The following EDIL3 variants were observed in gnomAD, a reference collection of about 807,000 sequenced individuals.
The protein encoded by EDIL3 is EGF-like repeat and discoidin I-like domain-containing protein 3.
In EDIL3, 37 loss-of-function variants were observed where a neutral mutation model predicts 67.4. The ratio of observed to expected loss-of-function variants is 0.55; its 90% CI spans 0.42 to 0.72. EDIL3 has a LOEUF of 0.72. Ranked by LOEUF, EDIL3 falls within the 30% of genes least tolerant of loss-of-function variation. The pLI is 0.00. For synonymous variants in EDIL3, 195 were observed against 196.3 expected, an observed-to-expected ratio of 0.99 and a Z score of 0.05; for missense variants, 527 against 586.3, an observed-to-expected ratio of 0.90 and a Z score of 1.04.
intron 9 of EDIL3, among the ~76,000 whole-genome samples, chr5:84,040,211 C>A (rs1005904208): frequency 2.0e-5 from 3 of 152,114 alleles, no homozygotes; most frequent in Non-Finnish European, 2.9e-5. Context: ...TCAGTGAATT[C>A]AAAATCCTAC....
chr5:84,123,709 C>T (rs976888048), intron 5 of EDIL3, among the ~76,000 whole-genome samples: 16 of 151,728 alleles, frequency 1.1e-4, no homozygotes, highest in Admixed American at 6.6e-4. Context: ...AGGTAGAATA[C>T]TAAAAAAACA....
intron 9 of EDIL3, among the ~76,000 whole-genome samples, chr5:83,984,302 A>G (rs1745022979): frequency 6.6e-6 from 1 of 152,082 alleles, no homozygotes; most frequent in Non-Finnish European, 1.5e-5. Flanking sequence ...GGGTTCTGGA[A>G]ATATCTGGCA....
chr5:84,380,454 C>T (rs1022770704), intron 1 of EDIL3, among the ~76,000 whole-genome samples: 1 of 152,108 alleles, frequency 6.6e-6, no homozygotes, highest in African/African-American at 2.4e-5. Context: ...ATTTTTTACT[C>T]AGTATCCAAA....
chr5:84,115,227 T>C (rs1747643913), intron 5 of EDIL3, among the ~76,000 whole-genome samples: 1 of 152,124 alleles, frequency 6.6e-6, no homozygotes, highest in Non-Finnish European at 1.5e-5. Context: ...GTAGGGGAAA[T>C]ACTATATTTG....
In EDIL3 at chr5:83,941,194, A is replaced by G. The variant is rs370864671; in HGVS notation, c.*2225T>C. The G allele has an allele frequency of 4.6e-5, 7 of 152,088 alleles. No homozygotes were observed. In the South Asian group the frequency reaches 6.2e-4, roughly 14 times the overall value. 9.4% of individuals were successfully genotyped at this position (152,088 alleles called of 1,614,324 possible). ...TGGTGCGACCCCTTTGCTCTCATCA[A>G]TTTTGGGTGTCATGAGAACAATAGG... On this transcript the variant is annotated 3_prime_UTR_variant, in exon 11 of 11. Transcript: ENST00000296591.
chr5:84,287,534 G>C, intron 1 of EDIL3, among the ~76,000 whole-genome samples: 1 of 152,064 alleles, frequency 6.6e-6, no homozygotes, highest in East Asian at 1.9e-4. Flanking sequence ...GTTGAATTTT[G>C]AAATTAATGA....
intron 3 of EDIL3, among the ~76,000 whole-genome samples, chr5:84,191,078 G>A (rs185589034): frequency 2.0e-5 from 3 of 152,044 alleles, no homozygotes; most frequent in Admixed American, 2.0e-4. Flanking sequence ...TACACTAGCA[G>A]GTTTCAACAA....
At chr5:84,105,832 G>C (rs1253345734) in intron 6 of EDIL3, among the ~76,000 whole-genome samples, 3 of 151,950 alleles carry the variant, frequency 2.0e-5, no homozygotes, top group Non-Finnish European at 2.9e-5. Context: ...ATCCTTCTCA[G>C]GCCTAGCTCA....
chr5:84,196,652 A>G (rs1321073142), intron 3 of EDIL3, among the ~76,000 whole-genome samples: 1 of 151,972 alleles, frequency 6.6e-6, no homozygotes, highest in Non-Finnish European at 1.5e-5. Flanking sequence ...TGCATCCAAT[A>G]CATCTTTGTT....
chr5:84,167,320 A>T (rs1748726965), intron 4 of EDIL3, among the ~76,000 whole-genome samples: 1 of 152,052 alleles, frequency 6.6e-6, no homozygotes, highest in African/African-American at 2.4e-5. Context: ...GTGTAGAACC[A>T]GAACAATAGC....
intron 3 of EDIL3, among the ~76,000 whole-genome samples, chr5:84,188,122 T>C (rs888433161): frequency 5.3e-5 from 8 of 152,152 alleles, no homozygotes; most frequent in African/African-American, 1.9e-4. Flanking sequence ...TCTCAAGAAT[T>C]AATACTAGAC....
At chr5:84,343,055 A>G (rs549934825) in intron 1 of EDIL3, among the ~76,000 whole-genome samples, 1 of 152,256 alleles carries the variant, frequency 6.6e-6, no homozygotes, top group Admixed American at 6.5e-5. Flanking sequence ...ACTAGGATAC[A>G]TAATATAATT....
intron 5 of EDIL3, among the ~76,000 whole-genome samples, chr5:84,124,798 G>A (rs535490758): frequency 6.6e-6 from 1 of 151,894 alleles, no homozygotes; most frequent in South Asian, 2.1e-4. Context: ...ACTCACCAAA[G>A]CTCCTATGAC....
At chr5:83,959,829 C>A (rs1744576321) in intron 10 of EDIL3, among the ~76,000 whole-genome samples, 1 of 150,128 alleles carries the variant, frequency 6.7e-6, no homozygotes. Context: ...AATAATAAAG[C>A]AAAAGAGTTA....
At chr5:84,094,156 G>C (rs1158361154) in intron 6 of EDIL3, among the ~76,000 whole-genome samples, 1 of 152,100 alleles carries the variant, frequency 6.6e-6, no homozygotes, top group Non-Finnish European at 1.5e-5. Context: ...GAAGCATTAA[G>C]ACATCTTTAC....
At chr5:84,035,013 A>G (rs780048861) in intron 9 of EDIL3, among the ~76,000 whole-genome samples, 9 of 152,144 alleles carry the variant, frequency 5.9e-5, no homozygotes, top group Non-Finnish European at 1.3e-4. Flanking sequence ...ATTTTTTGTC[A>G]TAGACTGTAA....
chr5:84,281,435 C>T (rs1158929006), intron 1 of EDIL3, among the ~76,000 whole-genome samples: 3 of 152,196 alleles, frequency 2.0e-5, no homozygotes, highest in Non-Finnish European at 4.4e-5. Flanking sequence ...CACTATAGTG[C>T]ATTTTAGATC....
intron 4 of EDIL3, among the ~76,000 whole-genome samples, chr5:84,160,041 G>T (rs73769754): frequency 8.5e-4 from 130 of 152,094 alleles, no homozygotes; most frequent in African/African-American, 3.1e-3. Context: ...GCCAATTGTG[G>T]ATTTGGTTAG....
intron 4 of EDIL3, among the ~76,000 whole-genome samples, chr5:84,153,644 G>A (rs1748438791): frequency 1.3e-5 from 2 of 151,800 alleles, no homozygotes; most frequent in Non-Finnish European, 1.5e-5. Flanking sequence ...TGTATTTTTA[G>A]TAGAGATGGG....
Sources: allele counts gnomAD v4.1 joint callset (sites outside exome capture counted in the v4.1 genomes callset), GRCh38; gene constraint gnomAD v4.1.1; transcripts MANE v1.5; gene names NCBI Gene and HGNC (gene_info 2026-07-23, HGNC 2026-07-21).